Variants in PRKN observed in about 807,000 individuals in gnomAD.
PRKN encodes the protein parkin RBR E3 ubiquitin protein ligase.
PRKN carries 56 observed loss-of-function variants against 59.5 expected under a neutral mutation model. The observed-to-expected ratio is 0.94, with a 90% confidence interval of 0.76 to 1.18. PRKN has a LOEUF of 1.18. PRKN is among the 50% of genes most tolerant of loss of function. The probability of loss-of-function intolerance (pLI) is 0.00; values close to 1 mark genes in which losing one functional copy is unlikely to be tolerated. For synonymous variants in PRKN, 250 were observed against 222.1 expected (o/e 1.13, Z -1.12); for missense variants, 657 against 596.4 (o/e 1.10, Z -1.06).
intron 1 of PRKN, among the ~76,000 whole-genome samples, chr6:162,640,046 T>G (rs1290231817): frequency 6.6e-6 from 1 of 152,184 alleles, no homozygotes; most frequent in Admixed American, 6.5e-5. Flanking sequence ...GGGTGAATTC[T>G]TCTCTTCTTG....
chr6:161,822,718 AG>A (rs925135122), intron 6 of PRKN, among the ~76,000 whole-genome samples: 1 of 152,140 alleles, frequency 6.6e-6, no homozygotes, highest in African/African-American at 2.4e-5. Flanking sequence ...AACAAACCAG[AG>A]GGGTCTCAGA....
intron 3 of PRKN, among the ~76,000 whole-genome samples, chr6:162,236,525 G>A (rs1438574222): frequency 2.0e-5 from 3 of 151,956 alleles, no homozygotes; most frequent in Admixed American, 6.6e-5. Context: ...GGTGGCTCAC[G>A]CCTGTATCCT....
intron 2 of PRKN, among the ~76,000 whole-genome samples, chr6:162,393,823 A>G (rs1302279164): frequency 6.6e-6 from 1 of 152,206 alleles, no homozygotes; most frequent in Admixed American, 6.5e-5. Context: ...CAACTTTACT[A>G]CAATTTAGAA....
intron 6 of PRKN, among the ~76,000 whole-genome samples, chr6:161,871,080 A>T (rs2128226640): frequency 6.6e-6 from 1 of 151,882 alleles, no homozygotes; most frequent in East Asian, 1.9e-4. Flanking sequence ...TAAGAGAGAG[A>T]AAATAAGAAT....
At chr6:161,657,908 C>A (rs930965333) in intron 7 of PRKN, among the ~76,000 whole-genome samples, 3 of 147,938 alleles carry the variant, frequency 2.0e-5, no homozygotes, top group Non-Finnish European at 4.5e-5. Flanking sequence ...GGTGCCCACT[C>A]GGGAGGCTGA....
chr6:161,756,458 A>G (rs1379734458), intron 7 of PRKN, among the ~76,000 whole-genome samples: 1 of 151,238 alleles, frequency 6.6e-6, no homozygotes, highest in African/African-American at 2.4e-5. Flanking sequence ...AAAAAAAAAA[A>G]AAAAAAAAAA....
Position 161,467,319 on chromosome 6 carries a change from G to A in PRKN, c.1084-80442C>T, listed in dbSNP as rs142320395. ...GTGGACTGTGTGCCTGGCACTGTGC[G>A]GTGAATTTGATATAGACACATATAA... On this transcript the variant is annotated intron_variant, in intron 9 of 11. Coordinates refer to ENST00000366898, the MANE Select transcript of PRKN (RefSeq NM_004562.3). The surrounding 1 kb of genome is among the most constrained non-coding windows in gnomAD (Gnocchi z 4.3). Among the ~76,000 whole-genome samples, 44 of 152,226 alleles carry A rather than the reference G, an allele frequency of 2.9e-4. No homozygotes were observed. Among genetic ancestry groups the A allele is most frequent in the Middle Eastern group, 6.8e-3 (2 of 294 alleles).
At chr6:162,212,030 A>G (rs1186861637) in intron 3 of PRKN, among the ~76,000 whole-genome samples, 2 of 152,076 alleles carry the variant, frequency 1.3e-5, no homozygotes, top group African/African-American at 4.8e-5. Flanking sequence ...ATTGTTCTAA[A>G]AGTCTGCACT....
chr6:161,684,947 T>G (rs61694041), intron 7 of PRKN, among the ~76,000 whole-genome samples: 3,069 of 152,296 alleles, frequency 0.02, 128 homozygotes, highest in African/African-American at 0.069. Context: ...AATTCCTAGA[T>G]GAGGGATCAG....
chr6:161,877,983 T>G (rs142698926), intron 6 of PRKN, among the ~76,000 whole-genome samples: 10 of 152,038 alleles, frequency 6.6e-5, no homozygotes, highest in African/African-American at 2.4e-4. Context: ...TGATAACAGC[T>G]AAGCCATCCC....
chr6:161,841,810 A>C (rs1356688795), intron 6 of PRKN, among the ~76,000 whole-genome samples: 2 of 152,180 alleles, frequency 1.3e-5, no homozygotes, highest in East Asian at 3.9e-4. Flanking sequence ...TGCCTACAGC[A>C]AGAATCCTAT....
At chr6:162,241,222 A>T (rs571677917) in intron 3 of PRKN, among the ~76,000 whole-genome samples, 16 of 152,286 alleles carry the variant, frequency 1.1e-4, no homozygotes, top group Non-Finnish European at 2.1e-4. Flanking sequence ...ATATAACTGG[A>T]TTTTGATTTC....
chr6:161,647,567 AT>A (rs2128160502), intron 7 of PRKN, among the ~76,000 whole-genome samples: 1 of 151,490 alleles, frequency 6.6e-6, no homozygotes, highest in African/African-American at 2.4e-5. Flanking sequence ...GTATGGGCCC[AT>A]ACTCAGAGAG....
chr6:161,959,147 T>G (rs1780289018), intron 6 of PRKN, among the ~76,000 whole-genome samples: 1 of 152,196 alleles, frequency 6.6e-6, no homozygotes, highest in Non-Finnish European at 1.5e-5. Context: ...CTGGTTATTC[T>G]CCTGCCTGTT....
At chr6:161,908,823 C>T (rs576996400) in intron 6 of PRKN, among the ~76,000 whole-genome samples, 12 of 152,078 alleles carry the variant, frequency 7.9e-5, no homozygotes, top group Non-Finnish European at 1.3e-4. Flanking sequence ...AATTGGCAAA[C>T]AAGAACATGG....
chr6:162,573,945 CAAAG>C (rs1252985859), intron 1 of PRKN, among the ~76,000 whole-genome samples: 2 of 152,124 alleles, frequency 1.3e-5, no homozygotes, highest in African/African-American at 4.8e-5. Context: ...GATTCCCATC[CAAAG>C]CAACTACTTC....
intron 6 of PRKN, among the ~76,000 whole-genome samples, chr6:161,808,146 A>C (rs1255919626): frequency 2.6e-5 from 4 of 152,204 alleles, no homozygotes; most frequent in Non-Finnish European, 4.4e-5. Flanking sequence ...GAAGACAGGA[A>C]GATTATTAAT....
At chr6:161,482,857 T>C (rs1319173718) in intron 9 of PRKN, among the ~76,000 whole-genome samples, 1 of 152,232 alleles carries the variant, frequency 6.6e-6, no homozygotes, top group African/African-American at 2.4e-5. Flanking sequence ...AAGGCCATCT[T>C]ATAATAGACT....
intron 2 of PRKN, among the ~76,000 whole-genome samples, chr6:162,300,398 T>C (rs1440730378): frequency 6.6e-6 from 1 of 152,144 alleles, no homozygotes; most frequent in Non-Finnish European, 1.5e-5. Flanking sequence ...CAGTTAAATA[T>C]CTTTGGGAGC....
Sources: gnomAD v4.1 joint callset for allele counts (sites outside exome capture counted in the v4.1 genomes callset) on GRCh38, gnomAD v4.1.1 for gene constraint, Gnocchi (gnomAD v3.1) non-coding constraint, MANE v1.5 for transcripts, NCBI Gene and HGNC (gene_info 2026-07-23, HGNC 2026-07-21) for gene names.